The following TMEM132B variants were observed in gnomAD, a reference collection of about 807,000 sequenced individuals.
TMEM132B encodes transmembrane protein 132B.
Under a neutral mutation model 90.8 loss-of-function variants are expected in TMEM132B, and 18 were observed. That is an observed-to-expected ratio of 0.20 (90% CI 0.14 to 0.29). The LOEUF (loss-of-function observed/expected upper bound fraction) is 0.29, where lower values mean the gene tolerates loss of function less well. Among genes scored for constraint, TMEM132B ranks in the 10% least tolerant of loss-of-function variants. The pLI, the probability that TMEM132B is intolerant of heterozygous loss-of-function variation, is 1.00. For missense variants in TMEM132B, 1,096 were observed against 1,326.8 expected (o/e 0.83, Z 2.70); for synonymous variants, 504 against 523.3 (o/e 0.96, Z 0.50).
chr12:125,222,789 C>A (rs1873589507), intron 1 of TMEM132B, among the ~76,000 whole-genome samples: 1 of 152,198 alleles, frequency 6.6e-6, no homozygotes. Flanking sequence ...TACCACCCAC[C>A]CTGCAGTGTG....
rs377151149 is a variant in TMEM132B at position 125,460,239 on chromosome 12, C to T, written c.1106+44562C>T. ...GGCACGGTGGCTCACGCCTGTAATC[C>T]CAGCACTTTGGGAGGCCGAGGTGGG... On this transcript the variant is annotated intron_variant, in intron 3 of 8. Transcript: ENST00000682704. The surrounding 1 kb of genome is among the most constrained non-coding windows in gnomAD (Gnocchi z 4.4). Among the ~76,000 whole-genome samples, 163 of 152,218 alleles carry T rather than the reference C, an allele frequency of 1.1e-3. 1 individual carries two copies. The highest frequency in any genetic ancestry group is 3.7e-3 in the African/African-American group (154 of 41,510).
In TMEM132B at chr12:125,430,259, G is replaced by T. The variant is rs550197550; in HGVS notation, c.1106+14582G>T. ...ATTGGACCGTAGCTGTGGGGTTGTC[G>T]GGTGAGCGCACTGGCCGGGGCTGTC... On this transcript the variant is annotated intron_variant, in intron 3 of 8. Coordinates refer to ENST00000682704, the MANE Select transcript of TMEM132B (RefSeq NM_001366854.1). Among the ~76,000 whole-genome samples, 4 of 152,304 alleles carry T rather than the reference G, an allele frequency of 2.6e-5. No individual in the cohort carries two copies. In the East Asian group the frequency reaches 7.7e-4, roughly 29 times the overall value.
intron 5 of TMEM132B, among the ~76,000 whole-genome samples, chr12:125,627,554 G>T (rs750662816): frequency 6.6e-6 from 1 of 151,656 alleles, no homozygotes; most frequent in Non-Finnish European, 1.5e-5. Flanking sequence ...AATTTTTATG[G>T]TACATATTTA....
intron 3 of TMEM132B, among the ~76,000 whole-genome samples, chr12:125,496,413 G>T (rs975662296): frequency 3.3e-5 from 5 of 152,102 alleles, no homozygotes; most frequent in African/African-American, 1.2e-4. Flanking sequence ...AGTCACCACA[G>T]TTGAAATTAT....
chr12:125,298,900 A>C (rs1388780289), intron 1 of TMEM132B, among the ~76,000 whole-genome samples: 1 of 150,930 alleles, frequency 6.6e-6, no homozygotes, highest in Non-Finnish European at 1.5e-5. Flanking sequence ...CGCACGGCTA[A>C]TTTTTTGTAT....
At chr12:125,511,777 G>A (rs753019592) in intron 3 of TMEM132B, among the ~76,000 whole-genome samples, 96 of 151,154 alleles carry the variant, frequency 6.4e-4, no homozygotes, top group Admixed American at 8.5e-4. Flanking sequence ...GCGTGAACCC[G>A]GGAGGCGGAG....
chr12:125,238,389 A>AAAAAAAAAAAAAAAAAAAAAACC (rs1873990226), intron 1 of TMEM132B, among the ~76,000 whole-genome samples: 1 of 138,768 alleles, frequency 7.2e-6, no homozygotes, highest in African/African-American at 2.8e-5. Flanking sequence ...AAAAAAAACC[A>AAAAAAAAAAAAAAAAAAAAAACC]AAAAAACAAA....
rs117317204 is a variant in TMEM132B, at chr12:125,583,745, C to T, written c.1294-106C>T. The T allele has an allele frequency of 4.9e-3, 6,651 of 1,346,310 alleles. 22 individuals carry two copies. Among genetic ancestry groups the T allele is most frequent in the Non-Finnish European group, 6.1e-3 (5,884 of 971,726 alleles). The allele number at this position is 1,346,310 out of a possible 1,614,324, so 83.4% of individuals were successfully genotyped here. A position where few individuals can be genotyped will look rare whatever the true frequency, so the allele number is the denominator to read the frequency against. ...TGTCCCTTCAGACAACTGTCTAAAT[C>T]GCAGAACGAGAATGAAGGCAGTAGG... is the stretch of plus-strand genomic sequence containing the variant. On this transcript the variant is annotated intron_variant, in intron 4 of 8. Transcript: ENST00000682704.
intron 4 of TMEM132B, among the ~76,000 whole-genome samples, chr12:125,578,019 C>G (rs536452916): frequency 6.6e-6 from 1 of 152,034 alleles, no homozygotes; most frequent in Non-Finnish European, 1.5e-5. Context: ...AATGGCCTGA[C>G]CTGTGGTATG....
chr12:125,256,098 A>G (rs764079942), intron 1 of TMEM132B, among the ~76,000 whole-genome samples: 1 of 152,170 alleles, frequency 6.6e-6, no homozygotes, highest in Non-Finnish European at 1.5e-5. Flanking sequence ...GGCCCCTGTC[A>G]TCAAACTCTG....
chr12:125,349,255 C>A lies in TMEM132B; in HGVS notation c.68-197C>A, dbSNP rs1420730968. On this transcript the variant is annotated intron_variant, in intron 1 of 8. Transcript: ENST00000682704. The surrounding 1 kb of genome is among the most constrained non-coding windows in gnomAD (Gnocchi z 4.1). ...GATCAGTGGTAAATGGGGTTCCTCCCCACTCTGTGCTGTCTTTTTGGGAAG... is the reference window on the plus strand; with the variant it reads ...GATCAGTGGTAAATGGGGTTCCTCCACACTCTGTGCTGTCTTTTTGGGAAG... 5.8e-5 allele frequency among the ~76,000 whole-genome samples: 8 copies of A among 138,702 alleles called. No homozygotes were observed. Among genetic ancestry groups the A allele is most frequent in the Non-Finnish European group, 1.1e-4 (7 of 61,638 alleles). The allele number at this position is 138,702 out of a possible 152,430, so 91.0% of individuals were successfully genotyped here. A position where few individuals can be genotyped will look rare whatever the true frequency, so the allele number is the denominator to read the frequency against.
chr12:125,518,022 T>C (rs1883211381), intron 3 of TMEM132B, among the ~76,000 whole-genome samples: 1 of 152,212 alleles, frequency 6.6e-6, no homozygotes, highest in African/African-American at 2.4e-5. Context: ...GGCACTGTGG[T>C]ATCAGAGAGT....
intron 4 of TMEM132B, among the ~76,000 whole-genome samples, chr12:125,550,792 T>C (rs1305749211): frequency 7.3e-5 from 11 of 151,268 alleles, no homozygotes; most frequent in Non-Finnish European, 1.6e-4. Flanking sequence ...TTATTTATTT[T>C]TTTGAGACGG....
In TMEM132B at chr12:125,485,133, G is replaced by A. The variant is rs1593169384; in HGVS notation, c.1107-34306G>A. ...AGATAGTCTCAGGGCAATGTCTGAA[G>A]TTCATGAAAGAAGACACCAAAGACT... is the stretch of plus-strand genomic sequence containing the variant. On this transcript the variant is annotated intron_variant, in intron 3 of 8. Coordinates refer to ENST00000682704, the MANE Select transcript of TMEM132B (RefSeq NM_001366854.1). Among the ~76,000 whole-genome samples the A allele has an allele frequency of 2.0e-5, 3 of 152,324 alleles. No individual in the cohort carries two copies. In the South Asian group the frequency reaches 6.2e-4, roughly 32 times the overall value.
intron 4 of TMEM132B, among the ~76,000 whole-genome samples, chr12:125,541,904 A>G (rs1883966843): frequency 6.6e-6 from 1 of 151,828 alleles, no homozygotes; most frequent in Non-Finnish European, 1.5e-5. Context: ...GGGCACCTGT[A>G]GTCCCAGCTA....
Position 125,268,003 on chromosome 12 carries a change from TAGG to T in TMEM132B, c.67+81141_67+81143del, listed in dbSNP as rs1874736970. The stretch of plus-strand genomic sequence containing the variant: ...TGCACTACCTGTAATCCCTGTACTT[TAGG>T]AGGCTGAGGCAGGAGGATGGCTTGA... On this transcript the variant is annotated intron_variant, in intron 1 of 8. Transcript: ENST00000682704. Among the ~76,000 whole-genome samples, 6 of 152,180 alleles carry T rather than the reference TAGG, an allele frequency of 3.9e-5. No individual in the cohort carries two copies. The South Asian group carries it at 1.2e-3, about 32-fold the overall frequency.
At position 125,650,968 on chromosome 12, in the gene TMEM132B, G is replaced by A; in HGVS notation, c.1914+15G>A. On this transcript the variant is annotated intron_variant, in intron 7 of 8. Transcript: ENST00000682704. ...CCACGGTGCAGGTACACGCCGCCAT[G>A]CCTTGCCCAACAGCAGTCTGTGTTG... 1 of 1,611,216 alleles carries A rather than the reference G, an allele frequency of 6.2e-7. No individual in the cohort carries two copies. Among genetic ancestry groups the A allele is most frequent in the Non-Finnish European group, 8.5e-7 (1 of 1,179,296 alleles).
chr12:125,438,573 C>G (rs900648508), intron 3 of TMEM132B, among the ~76,000 whole-genome samples: 1 of 152,236 alleles, frequency 6.6e-6, no homozygotes, highest in African/African-American at 2.4e-5. Context: ...CTATCTACCA[C>G]ACAGCTGTGT....
intron 6 of TMEM132B, among the ~76,000 whole-genome samples, chr12:125,648,164 T>C (rs556596957): frequency 1.3e-5 from 2 of 151,764 alleles, no homozygotes; most frequent in South Asian, 4.2e-4. Flanking sequence ...TTCGGTTTTT[T>C]ATTCTTGCGA....
Sources: allele counts gnomAD v4.1 joint callset (sites outside exome capture counted in the v4.1 genomes callset), GRCh38; gene constraint gnomAD v4.1.1; non-coding constraint Gnocchi (gnomAD v3.1); transcripts MANE v1.5; gene names NCBI Gene and HGNC (gene_info 2026-07-23, HGNC 2026-07-21).